LYPD6: variants seen among roughly 807,000 people sequenced by gnomAD.
LYPD6 encodes ly6/PLAUR domain-containing protein 6.
A neutral mutation model predicts 22.7 loss-of-function variants in LYPD6; 15 were observed. That is an observed-to-expected ratio of 0.66 (90% CI 0.44 to 1.02). The LOEUF (loss-of-function observed/expected upper bound fraction) is 1.02, where lower values mean the gene tolerates loss of function less well. Among genes scored for constraint, LYPD6 ranks in the 50% least tolerant of loss-of-function variants. LYPD6 has a pLI of 0.00. For missense variants in LYPD6, 189 were observed against 208.4 expected (o/e 0.91, Z 0.57); for synonymous variants, 72 against 77.5 (o/e 0.93, Z 0.37).
At chr2:149,447,073 A>G (rs1000295413) in intron 2 of LYPD6, among the ~76,000 whole-genome samples, 1 of 152,230 alleles carries the variant, frequency 6.6e-6, no homozygotes, top group Non-Finnish European at 1.5e-5. Context: ...GCAGCTTTCA[A>G]ATAGGCCAGG....
chr2:149,363,713 A>C (rs1328551147), intron 1 of LYPD6, among the ~76,000 whole-genome samples: 1 of 152,306 alleles, frequency 6.6e-6, no homozygotes, highest in East Asian at 1.9e-4. Context: ...CTGAATGATA[A>C]ATCACATGGG....
intron 1 of LYPD6, among the ~76,000 whole-genome samples, chr2:149,361,017 T>A (rs2105068012): frequency 6.6e-6 from 1 of 152,354 alleles, no homozygotes; most frequent in Middle Eastern, 3.4e-3. Flanking sequence ...TAGTTCTTAG[T>A]TGGGGTGGAC....
intron 1 of LYPD6, among the ~76,000 whole-genome samples, chr2:149,346,429 A>G (rs928664642): frequency 2.6e-5 from 4 of 152,228 alleles, no homozygotes; most frequent in Non-Finnish European, 4.4e-5. Context: ...GGGACTGAAC[A>G]TAAGTGCCAT....
At chr2:149,342,399 T>C (rs866565038) in intron 1 of LYPD6, among the ~76,000 whole-genome samples, 1 of 152,236 alleles carries the variant, frequency 6.6e-6, no homozygotes, top group Non-Finnish European at 1.5e-5. Context: ...ACAGATTTAA[T>C]TATTCGTGTG....
In LYPD6 at chr2:149,379,212, A is replaced by G. The variant is rs80051563; in HGVS notation, c.-72+48490A>G. On this transcript the variant is annotated intron_variant, in intron 1 of 4. Coordinates refer to ENST00000334166, the MANE Select transcript of LYPD6 (RefSeq NM_194317.5). The stretch of plus-strand genomic sequence containing the variant: ...CATTTATGCTGCAGCTGGTTTTGGT[A>G]TCAGATGAGCAGCTTTAAATTGGGA... 4.0e-3 allele frequency among the ~76,000 whole-genome samples: 616 copies of G among 152,246 alleles called. 7 individuals are homozygous for G. Among genetic ancestry groups the G allele is most frequent in the South Asian group, 0.021 (102 of 4,830 alleles).
chr2:149,443,965 G>T (rs1173748803), intron 2 of LYPD6, among the ~76,000 whole-genome samples: 1 of 144,346 alleles, frequency 6.9e-6, no homozygotes, highest in Admixed American at 7.0e-5. Context: ...GCAGGGCTTG[G>T]CTCTGTGGCC....
chr2:149,397,046 T>C (rs555075828), intron 1 of LYPD6, among the ~76,000 whole-genome samples: 2 of 152,386 alleles, frequency 1.3e-5, no homozygotes, highest in African/African-American at 4.8e-5. Context: ...ACAGTTGTTA[T>C]ACTGTATTTT....
intron 3 of LYPD6, among the ~76,000 whole-genome samples, chr2:149,455,790 C>T (rs530113275): frequency 6.6e-6 from 1 of 152,314 alleles, no homozygotes; most frequent in South Asian, 2.1e-4. Flanking sequence ...TTCCCAGCTG[C>T]CTTTTTGGAA....
At chr2:149,378,829 A>G (rs927241544) in intron 1 of LYPD6, among the ~76,000 whole-genome samples, 2 of 152,154 alleles carry the variant, frequency 1.3e-5, no homozygotes, top group African/African-American at 4.8e-5. Context: ...TGATCTTGCA[A>G]TGTACTCCTT....
intron 1 of LYPD6, among the ~76,000 whole-genome samples, chr2:149,347,563 G>T (rs993687371): frequency 6.6e-6 from 1 of 152,098 alleles, no homozygotes; most frequent in South Asian, 2.1e-4. Context: ...AAGAATTCAA[G>T]TTACTTATTT....
chr2:149,470,144 G>T (rs1681297933), intron 4 of LYPD6, among the ~76,000 whole-genome samples: 2 of 152,140 alleles, frequency 1.3e-5, no homozygotes, highest in Non-Finnish European at 2.9e-5. Flanking sequence ...GAGTAAGGTG[G>T]TGTAAAGCAG....
intron 1 of LYPD6, among the ~76,000 whole-genome samples, chr2:149,352,697 A>G (rs568435390): frequency 2.4e-4 from 37 of 152,328 alleles, no homozygotes; most frequent in African/African-American, 8.7e-4. Context: ...TACAATGGTA[A>G]AAGTGTGTAA....
chr2:149,392,337 T>A (rs1016360656), intron 1 of LYPD6, among the ~76,000 whole-genome samples: 1 of 152,138 alleles, frequency 6.6e-6, no homozygotes, highest in African/African-American at 2.4e-5. Flanking sequence ...TGGAGGAAGA[T>A]CGCACTCCAG....
chr2:149,486,007 T>C, the LYPD6 span, among the ~76,000 whole-genome samples: 1 of 152,216 alleles, frequency 6.6e-6, no homozygotes, highest in Admixed American at 6.5e-5. Context: ...TGTGACTCAA[T>C]GCACATATTT....
At chr2:149,346,599 G>T (rs533115144) in intron 1 of LYPD6, among the ~76,000 whole-genome samples, 2 of 152,316 alleles carry the variant, frequency 1.3e-5, no homozygotes, top group African/African-American at 4.8e-5. Flanking sequence ...GTAGATAATT[G>T]TTGATGTTTT....
intron 1 of LYPD6, among the ~76,000 whole-genome samples, chr2:149,341,424 C>G (rs981352080): frequency 6.6e-6 from 1 of 152,154 alleles, no homozygotes; most frequent in Non-Finnish European, 1.5e-5. Context: ...TTGTTACATT[C>G]TCTACATTCT....
Position 149,437,657 on chromosome 2 carries a change from G to T in LYPD6, c.-52G>T. 1 of 1,605,168 alleles carries T rather than the reference G, an allele frequency of 6.2e-7. No individual in the cohort carries two copies. The highest frequency in any genetic ancestry group is 1.9e-4 in the Middle Eastern group (1 of 5,362). ...TTTCAGGTGCAAGTTCTCTCCTGTT[G>T]CCCTGAGTGCCCACTCCCAGGCCCT... On this transcript the variant is annotated 5_prime_UTR_variant, in exon 2 of 5. Transcript: ENST00000334166.
chr2:149,407,287 C>T (rs938357099), intron 1 of LYPD6, among the ~76,000 whole-genome samples: 14 of 152,132 alleles, frequency 9.2e-5, no homozygotes, highest in Non-Finnish European at 1.6e-4. Context: ...CCTGCCTTGC[C>T]AGATTGGGGA....
chr2:149,412,171 G>A (rs1172889530), intron 1 of LYPD6, among the ~76,000 whole-genome samples: 1 of 152,104 alleles, frequency 6.6e-6, no homozygotes, highest in Admixed American at 6.6e-5. Context: ...GTACTGCCTA[G>A]TAACTTTCCA....
Sources: gnomAD v4.1 joint callset for allele counts (sites outside exome capture counted in the v4.1 genomes callset) on GRCh38, gnomAD v4.1.1 for gene constraint, MANE v1.5 for transcripts, NCBI Gene and HGNC (gene_info 2026-07-23, HGNC 2026-07-21) for gene names.